TCF7L1: variants seen among roughly 807,000 people sequenced by gnomAD.
TCF7L1 encodes the protein transcription factor 7 like 1.
Under a neutral mutation model 63.7 loss-of-function variants are expected in TCF7L1, and 18 were observed. The observed-to-expected ratio is 0.28, with a 90% CI of 0.20 to 0.42. The LOEUF is 0.42. Ranked by LOEUF, TCF7L1 falls within the 10% of genes least tolerant of loss-of-function variation. TCF7L1 has a pLI of 1.00. For synonymous variants in TCF7L1, 355 were observed against 340.9 expected (o/e 1.04, Z -0.46); for missense variants, 654 against 779.3 (o/e 0.84, Z 1.91).
At chr2:85,166,523 G>T (rs978163759) in intron 3 of TCF7L1, among the ~76,000 whole-genome samples, 1 of 152,234 alleles carries the variant, frequency 6.6e-6, no homozygotes, top group Non-Finnish European at 1.5e-5. Context: ...AAGGGTTGTA[G>T]GGTAAGGTCT....
At chr2:85,269,104 G>T (rs1681083982) in intron 3 of TCF7L1, among the ~76,000 whole-genome samples, 1 of 152,104 alleles carries the variant, frequency 6.6e-6, no homozygotes, top group Non-Finnish European at 1.5e-5. Flanking sequence ...GGTGTGTCCT[G>T]GGATGCTCTG....
chr2:85,208,845 TCTC>T (rs940530422), intron 3 of TCF7L1, among the ~76,000 whole-genome samples: 27 of 152,210 alleles, frequency 1.8e-4, no homozygotes, highest in Admixed American at 1.6e-3. Flanking sequence ...TTTTTTTACT[TCTC>T]CTGTTGAGAG....
intron 3 of TCF7L1, among the ~76,000 whole-genome samples, chr2:85,149,111 G>A (rs2104201620): frequency 6.6e-6 from 1 of 152,172 alleles, no homozygotes; most frequent in East Asian, 1.9e-4. Context: ...ATGACTAAAT[G>A]GAGTCAGGGG....
chr2:85,297,875 C>A lies in TCF7L1; in HGVS notation c.526-4609C>A, dbSNP rs562228813. Among the ~76,000 whole-genome samples, 3 of 152,088 alleles carry A rather than the reference C, an allele frequency of 2.0e-5. No homozygotes were observed. The East Asian group carries it at 5.8e-4, about 29-fold the overall frequency. On this transcript the variant is annotated intron_variant, in intron 4 of 11. Transcript: ENST00000282111. The stretch of plus-strand genomic sequence containing the variant: ...TGCTCACCCCCTCTATATTTCTTTT[C>A]TACTTTCTCTTAGTTTTTCTTCTTA...
intron 3 of TCF7L1, among the ~76,000 whole-genome samples, chr2:85,139,385 T>TGGCTAAGGGACCATGGGAAAC (rs1348744258): frequency 6.6e-6 from 1 of 152,184 alleles, no homozygotes; most frequent in African/African-American, 2.4e-5. Flanking sequence ...TCATGGGCAA[T>TGGCTAAGGGACCATGGGAAAC]GGCTAAGGGA....
intron 4 of TCF7L1, among the ~76,000 whole-genome samples, chr2:85,284,388 G>A (rs539997381): frequency 3.3e-5 from 5 of 152,326 alleles, no homozygotes; most frequent in African/African-American, 7.2e-5. Context: ...CAGGGCAGCC[G>A]AGCCTCTTCT....
intron 3 of TCF7L1, among the ~76,000 whole-genome samples, chr2:85,206,850 AG>A (rs1486992161): frequency 2.0e-5 from 3 of 152,258 alleles, no homozygotes; most frequent in African/African-American, 7.2e-5. Context: ...ATTTTACTCT[AG>A]GAAAAAAAGA....
chr2:85,285,412 C>T (rs1243821444), intron 4 of TCF7L1, among the ~76,000 whole-genome samples: 1 of 152,136 alleles, frequency 6.6e-6, no homozygotes, highest in Admixed American at 6.6e-5. Context: ...CAGTGGGATG[C>T]CACATGCAGC....
chr2:85,224,519 T>C (rs1679914368), intron 3 of TCF7L1, among the ~76,000 whole-genome samples: 1 of 152,272 alleles, frequency 6.6e-6, no homozygotes, highest in African/African-American at 2.4e-5. Flanking sequence ...TTGATTTGCA[T>C]TTCTCTGATG....
rs775375685 is a variant in TCF7L1, at chr2:85,134,491, C to G, written c.441+41C>G. 70 of 1,542,652 alleles carry G rather than the reference C, an allele frequency of 4.5e-5. 1 individual carries two copies. The South Asian group carries it at 7.6e-4, about 17-fold the overall frequency. On this transcript the variant is annotated intron_variant, in intron 3 of 11. Transcript: ENST00000282111. This position sits in a 1 kb window ranked among gnomAD's most constrained non-coding sequence, Gnocchi z 5.0. ...GCGCGCCGGGGAGGGTGGGAGGCCG[C>G]GGCCCGCAGGATGCGCCCCCGGGCT... is the stretch of plus-strand genomic sequence containing the variant.
chr2:85,210,757 T>C (rs1679522512), intron 3 of TCF7L1, among the ~76,000 whole-genome samples: 2 of 152,214 alleles, frequency 1.3e-5, no homozygotes, highest in Admixed American at 1.3e-4. Context: ...ACTTGCCATG[T>C]GCCAGGCATC....
intron 3 of TCF7L1, among the ~76,000 whole-genome samples, chr2:85,204,345 A>G (rs1272415180): frequency 8.2e-6 from 1 of 122,154 alleles, no homozygotes; most frequent in African/African-American, 3.2e-5. Context: ...ATGTCAGTAC[A>G]TACGCGCTTA....
chr2:85,268,597 A>G (rs1329439667), intron 3 of TCF7L1, among the ~76,000 whole-genome samples: 1 of 149,328 alleles, frequency 6.7e-6, no homozygotes, highest in African/African-American at 2.5e-5. Context: ...GCCCGCCACC[A>G]TGCCCGGCTA....
At chr2:85,196,682 G>A (rs764096644) in intron 3 of TCF7L1, among the ~76,000 whole-genome samples, 20 of 152,094 alleles carry the variant, frequency 1.3e-4, no homozygotes, top group African/African-American at 3.6e-4. Flanking sequence ...GACTTTATAA[G>A]GTTCCAGGTG....
chr2:85,170,400 T>C (rs1188119007), intron 3 of TCF7L1, among the ~76,000 whole-genome samples: 4 of 152,172 alleles, frequency 2.6e-5, no homozygotes, highest in Non-Finnish European at 5.9e-5. Flanking sequence ...AATTGAGATA[T>C]AAAAAAATTT....
At chr2:85,206,778 G>A (rs1346149739) in intron 3 of TCF7L1, among the ~76,000 whole-genome samples, 5 of 152,170 alleles carry the variant, frequency 3.3e-5, no homozygotes, top group African/African-American at 4.8e-5. Context: ...TTAATCAAAA[G>A]TGTTGCACAT....
At chr2:85,298,629 G>C (rs954521190) in intron 4 of TCF7L1, among the ~76,000 whole-genome samples, 1 of 152,134 alleles carries the variant, frequency 6.6e-6, no homozygotes, top group African/African-American at 2.4e-5. Context: ...GGCTTGCAGC[G>C]CTTGCCTGAA....
In TCF7L1 at chr2:85,302,129, AAAAAC is replaced by A. The variant is rs771607819; in HGVS notation, c.526-340_526-336del. ...GGTGACAGAGCAAGACTCCATCTCAAAAAACAAAACAAAACAAAAAAAAAACCTTT... is the reference window on the plus strand; with the variant it reads ...GGTGACAGAGCAAGACTCCATCTCAAAAAACAAAACAAAAAAAAAACCTTT... On this transcript the variant is annotated intron_variant, in intron 4 of 11. Coordinates refer to ENST00000282111, the MANE Select transcript of TCF7L1 (RefSeq NM_031283.3). 2.1e-3 allele frequency among the ~76,000 whole-genome samples: 313 copies of A among 152,260 alleles called. 1 individual carries two copies. Among genetic ancestry groups the A allele is most frequent in the Non-Finnish European group, 4.0e-3 (275 of 68,018 alleles).
Position 85,134,223 on chromosome 2 carries a change from T to TG in TCF7L1, c.314-94dup. 1.4e-6 allele frequency: 2 copies of TG among 1,471,068 alleles called. No homozygotes were observed. Among genetic ancestry groups the TG allele is most frequent in the East Asian group, 2.6e-5 (1 of 39,098 alleles). The allele number at this position is 1,471,068 out of a possible 1,614,324, so 91.1% of individuals were successfully genotyped here. A position where few individuals can be genotyped will look rare whatever the true frequency, so the allele number is the denominator to read the frequency against. ...GGCGGCAGCCCCCGTGGGGCGCGCG[T>TG]GGGGGGCGCTGGGGTCCCCAGCTCC... On this transcript the variant is annotated intron_variant, in intron 2 of 11. Transcript: ENST00000282111. The surrounding 1 kb of genome is among the most constrained non-coding windows in gnomAD (Gnocchi z 5.0).
Sources: gnomAD v4.1 joint callset for allele counts (sites outside exome capture counted in the v4.1 genomes callset) on GRCh38, gnomAD v4.1.1 for gene constraint, Gnocchi (gnomAD v3.1) non-coding constraint, MANE v1.5 for transcripts, NCBI Gene and HGNC (gene_info 2026-07-23, HGNC 2026-07-21) for gene names.